JAZF1: variants seen among roughly 807,000 people sequenced by gnomAD.
JAZF1 encodes JAZF zinc finger 1.
In JAZF1, 8 loss-of-function variants were observed where a neutral mutation model predicts 26.4. That is an observed-to-expected ratio of 0.30 (90% CI 0.18 to 0.55). JAZF1 has a LOEUF of 0.55. JAZF1 is among the 20% of genes least tolerant of loss of function. JAZF1 has a pLI of 0.94. For synonymous variants in JAZF1, 126 were observed against 122.3 expected (o/e 1.03, Z -0.20); for missense variants, 199 against 322.0 (o/e 0.62, Z 2.92).
chr7:28,010,441 C>A (rs1045349411), intron 1 of JAZF1, among the ~76,000 whole-genome samples: 1 of 152,182 alleles, frequency 6.6e-6, no homozygotes, highest in African/African-American at 2.4e-5. Flanking sequence ...TCTTACCCTG[C>A]CACACCCCTA....
At chr7:27,881,700 G>A (rs1562517275) in intron 3 of JAZF1, among the ~76,000 whole-genome samples, 1 of 152,154 alleles carries the variant, frequency 6.6e-6, no homozygotes, top group African/African-American at 2.4e-5. Context: ...TTAGCACACT[G>A]TTAGTTCAGC....
At chr7:28,098,234 C>T (rs1403411025) in intron 1 of JAZF1, among the ~76,000 whole-genome samples, 2 of 152,062 alleles carry the variant, frequency 1.3e-5, no homozygotes, top group East Asian at 3.9e-4. Context: ...CATATGTGGA[C>T]GTAGCGAGAA....
intron 1 of JAZF1, among the ~76,000 whole-genome samples, chr7:28,140,912 T>C (rs540234925): frequency 6.6e-6 from 1 of 152,312 alleles, no homozygotes; most frequent in South Asian, 2.1e-4. Flanking sequence ...ATATAAGTGA[T>C]GCTCAAATAT....
chr7:28,037,353 A>G (rs1276197680), intron 1 of JAZF1, among the ~76,000 whole-genome samples: 3 of 152,230 alleles, frequency 2.0e-5, no homozygotes, highest in African/African-American at 7.2e-5. Context: ...AAAATTCTCA[A>G]GCAATGCTGA....
At chr7:28,068,129 G>C (rs1783915086) in intron 1 of JAZF1, among the ~76,000 whole-genome samples, 1 of 151,702 alleles carries the variant, frequency 6.6e-6, no homozygotes, top group East Asian at 1.9e-4. Flanking sequence ...TAGCCAGGCT[G>C]GTCTCGAACT....
In JAZF1 at chr7:28,035,056, C is replaced by T. The variant is rs189946954; in HGVS notation, c.116-43075G>A. ...AATAGGCTGGGTGCAGTGGCTCAAG[C>T]CTATAATCCCAGCACTTTGGGAGTC... On this transcript the variant is annotated intron_variant, in intron 1 of 4. Transcript: ENST00000283928. Among the ~76,000 whole-genome samples, 792 of 152,016 alleles carry T rather than the reference C, an allele frequency of 5.2e-3. 4 individuals are homozygous for T. Among genetic ancestry groups the T allele is most frequent in the Middle Eastern group, 0.014 (4 of 294 alleles).
Position 27,972,215 on chromosome 7 carries a change from G to T in JAZF1, c.188+19694C>A, listed in dbSNP as rs192467044. On this transcript the variant is annotated intron_variant, in intron 2 of 4. Transcript: ENST00000283928. Reference sequence around the variant, plus strand: ...AACAGAAGAGAAGAGTAAGGGCACAGAGAGGGATGAACAGGATACTGTTTA... The same window carrying T: ...AACAGAAGAGAAGAGTAAGGGCACATAGAGGGATGAACAGGATACTGTTTA... Among the ~76,000 whole-genome samples the T allele has an allele frequency of 2.6e-3, 400 of 152,334 alleles. 3 individuals are homozygous for T. The highest frequency in any genetic ancestry group is 9.5e-3 in the African/African-American group (394 of 41,584).
chr7:28,000,349 C>T lies in JAZF1; in HGVS notation c.116-8368G>A, dbSNP rs541962500. Among the ~76,000 whole-genome samples, 12 of 152,242 alleles carry T rather than the reference C, an allele frequency of 7.9e-5. No individual in the cohort carries two copies. In the East Asian group the frequency reaches 1.9e-3, roughly 25 times the overall value. On this transcript the variant is annotated intron_variant, in intron 1 of 4. Coordinates refer to ENST00000283928, the MANE Select transcript of JAZF1 (RefSeq NM_175061.4). ...GGGATGCTGCTGAACACCCTACATACGCACGCAGAGTAGCGCCTACAACAA... is the reference window on the plus strand; with the variant it reads ...GGGATGCTGCTGAACACCCTACATATGCACGCAGAGTAGCGCCTACAACAA...
chr7:28,113,511 C>T (rs1784695609), intron 1 of JAZF1, among the ~76,000 whole-genome samples: 1 of 152,148 alleles, frequency 6.6e-6, no homozygotes, highest in Non-Finnish European at 1.5e-5. Flanking sequence ...TATTCAACAC[C>T]AGATACCTGC....
intron 2 of JAZF1, among the ~76,000 whole-genome samples, chr7:27,936,061 CA>C (rs1233600142): frequency 1.2e-4 from 19 of 152,296 alleles, no homozygotes; most frequent in Admixed American, 1.2e-3. Flanking sequence ...AAGTTCGAAA[CA>C]AGAACAGCTG....
intron 3 of JAZF1, among the ~76,000 whole-genome samples, chr7:27,875,969 G>A (rs1379181526): frequency 6.6e-6 from 1 of 152,216 alleles, no homozygotes; most frequent in Non-Finnish European, 1.5e-5. Context: ...GAGCACTCAG[G>A]AGTCTGCTTT....
intron 3 of JAZF1, among the ~76,000 whole-genome samples, chr7:27,862,615 A>G (rs1453337723): frequency 6.6e-6 from 1 of 152,206 alleles, no homozygotes; most frequent in Non-Finnish European, 1.5e-5. Context: ...TTCTGGGATT[A>G]TTGAATGTGA....
intron 1 of JAZF1, among the ~76,000 whole-genome samples, chr7:28,002,286 A>G (rs1240142604): frequency 6.6e-6 from 1 of 152,222 alleles, no homozygotes; most frequent in Admixed American, 6.5e-5. Context: ...TTTGAAACCA[A>G]CTGAATGGTA....
chr7:28,110,515 A>AAAGGGAAAGGG (rs1562590947), intron 1 of JAZF1, among the ~76,000 whole-genome samples: 1 of 58,948 alleles, frequency 1.7e-5, no homozygotes, highest in Non-Finnish European at 2.9e-5. Context: ...AAAGGAAAGG[A>AAAGGGAAAGGG]AAAGGAAAAG....
intron 1 of JAZF1, chr7:28,020,624 G>A (rs1782991483): frequency 2.1e-6 from 1 of 471,134 alleles, no homozygotes; most frequent in Admixed American, 2.3e-5. Flanking sequence ...CATTTCAAAA[G>A]CATCAAACGT....
At chr7:27,976,071 G>C in intron 2 of JAZF1, among the ~76,000 whole-genome samples, 1 of 152,192 alleles carries the variant, frequency 6.6e-6, no homozygotes, top group South Asian at 2.1e-4. Flanking sequence ...TGGGCTAGTC[G>C]CGATGGCTCA....
At chr7:28,080,048 T>C (rs967138360) in intron 1 of JAZF1, among the ~76,000 whole-genome samples, 7 of 152,276 alleles carry the variant, frequency 4.6e-5, no homozygotes, top group Non-Finnish European at 8.8e-5. Flanking sequence ...AATTTTAAAA[T>C]ATTTTATTGC....
At chr7:28,150,415 A>G (rs748832405) in intron 1 of JAZF1, among the ~76,000 whole-genome samples, 1 of 152,232 alleles carries the variant, frequency 6.6e-6, no homozygotes, top group Admixed American at 6.5e-5. Context: ...GATATTGACT[A>G]TCATTATCTT....
intron 1 of JAZF1, among the ~76,000 whole-genome samples, chr7:28,062,560 TCCAAGTGCCCACCGTGATAC>T (rs1783817725): frequency 1.5e-5 from 2 of 135,792 alleles, no homozygotes; most frequent in African/African-American, 6.3e-5. Context: ...ACCGTGATAC[TCCAAGTGCCCACCGTGATAC>T]TCCAACTCTC....
Sources: allele counts gnomAD v4.1 joint callset (sites outside exome capture counted in the v4.1 genomes callset), GRCh38; gene constraint gnomAD v4.1.1; transcripts MANE v1.5; gene names NCBI Gene and HGNC (gene_info 2026-07-23, HGNC 2026-07-21).